Variants in CHRM2 observed in about 807,000 individuals in gnomAD.
The protein encoded by CHRM2 is cholinergic receptor muscarinic 2.
CHRM2 carries 8 observed loss-of-function variants against 25.0 expected under a neutral mutation model. The observed-to-expected ratio is 0.32, with a 90% confidence interval of 0.19 to 0.58. The LOEUF (loss-of-function observed/expected upper bound fraction) is 0.58. CHRM2 is among the 20% of genes least tolerant of loss of function. The pLI is 0.88. For synonymous variants in CHRM2, 202 were observed against 205.7 expected (o/e 0.98, Z 0.15); for missense variants, 440 against 567.1 (o/e 0.78, Z 2.28).
intron 2 of CHRM2, among the ~76,000 whole-genome samples, chr7:136,965,749 T>C (rs1014088396): frequency 6.6e-6 from 1 of 152,056 alleles, no homozygotes; most frequent in Non-Finnish European, 1.5e-5. Context: ...CAAAAGCCAT[T>C]ATTATGATGC....
intron 2 of CHRM2, among the ~76,000 whole-genome samples, chr7:136,984,827 C>G (rs1209794790): frequency 6.6e-6 from 1 of 151,916 alleles, no homozygotes; most frequent in Non-Finnish European, 1.5e-5. Context: ...GTTGGAAAGG[C>G]AGAAATCACC....
intron 2 of CHRM2, among the ~76,000 whole-genome samples, chr7:136,968,609 A>G (rs1801561927): frequency 6.6e-6 from 1 of 151,430 alleles, no homozygotes; most frequent in African/African-American, 2.4e-5. Flanking sequence ...CACAACAGCC[A>G]AGACATGGTA....
chr7:136,983,950 G>A (rs1802664634), intron 2 of CHRM2, among the ~76,000 whole-genome samples: 1 of 152,210 alleles, frequency 6.6e-6, no homozygotes. Context: ...TCTGTCCCTT[G>A]GCAGAGCTTG....
At chr7:136,875,088 C>CAT (rs1308814696) in intron 2 of CHRM2, among the ~76,000 whole-genome samples, 2 of 147,646 alleles carry the variant, frequency 1.4e-5, no homozygotes, top group Non-Finnish European at 3.0e-5. Flanking sequence ...CACATATATA[C>CAT]ATATATACAC....
At chr7:136,925,058 T>C (rs1020775305) in intron 2 of CHRM2, among the ~76,000 whole-genome samples, 11 of 152,208 alleles carry the variant, frequency 7.2e-5, no homozygotes, top group African/African-American at 2.7e-4. Flanking sequence ...ATATAAGCTA[T>C]GATCCTTCCC....
At chr7:136,945,570 C>A (rs144748791) in intron 2 of CHRM2, among the ~76,000 whole-genome samples, 1 of 152,154 alleles carries the variant, frequency 6.6e-6, no homozygotes, top group South Asian at 2.1e-4. Flanking sequence ...GTTCTCTATT[C>A]TGTTCCATTG....
intron 2 of CHRM2, among the ~76,000 whole-genome samples, chr7:136,969,680 G>A (rs879360315): frequency 1.3e-5 from 2 of 151,978 alleles, no homozygotes; most frequent in Non-Finnish European, 2.9e-5. Context: ...CCTTTCCAAC[G>A]TCCTTCTGTT....
At chr7:136,972,564 A>T (rs1012869905) in intron 2 of CHRM2, among the ~76,000 whole-genome samples, 6 of 152,216 alleles carry the variant, frequency 3.9e-5, no homozygotes, top group African/African-American at 9.6e-5. Flanking sequence ...AGAAAAAAAA[A>T]ATATGGTTGA....
chr7:136,890,881 A>C (rs760694342), intron 2 of CHRM2, among the ~76,000 whole-genome samples: 1 of 152,050 alleles, frequency 6.6e-6, no homozygotes, highest in East Asian at 1.9e-4. Flanking sequence ...ATATATGTGT[A>C]TGTGTGTGTA....
At chr7:136,876,986 T>G (rs1366625453) in intron 2 of CHRM2, among the ~76,000 whole-genome samples, 2 of 152,104 alleles carry the variant, frequency 1.3e-5, no homozygotes, top group Admixed American at 1.3e-4. Flanking sequence ...TGAGTCAGGC[T>G]GGGAATTAGG....
chr7:137,017,347 T>C lies in CHRM2; in HGVS notation c.*1081T>C, dbSNP rs907606723. ...GACCCATGTATGAAATGTTAACTTA[T>C]AGAAAATGAACTCCTGACTTTCTCA... On this transcript the variant is annotated 3_prime_UTR_variant, in exon 4 of 4. Coordinates refer to ENST00000680005, the MANE Select transcript of CHRM2 (RefSeq NM_001006630.2). 2.6e-5 allele frequency: 4 copies of C among 151,936 alleles called. No homozygotes were observed. Among genetic ancestry groups the C allele is most frequent in the South Asian group, 2.1e-4 (1 of 4,836 alleles). 9.4% of individuals were successfully genotyped at this position (151,936 alleles called of 1,614,324 possible).
At chr7:136,973,504 C>T (rs324605) in intron 2 of CHRM2, among the ~76,000 whole-genome samples, 9 of 96,622 alleles carry the variant, frequency 9.3e-5, no homozygotes, top group South Asian at 4.1e-4. Flanking sequence ...ATGACGGTGA[C>T]GGTGTTAGGG....
In CHRM2 at chr7:136,904,342, A is replaced by G. The variant is rs80246754; in HGVS notation, c.-125+34924A>G. 8.5e-3 allele frequency among the ~76,000 whole-genome samples: 1,293 copies of G among 151,962 alleles called. 17 individuals are homozygous for G. The highest frequency in any genetic ancestry group is 0.029 in the African/African-American group (1,218 of 41,506). On this transcript the variant is annotated intron_variant, in intron 2 of 3. Transcript: ENST00000680005. The stretch of plus-strand genomic sequence containing the variant: ...TAACATTTTTCTAAGTCACTTGCCT[A>G]TTCACATTTTCTATATCTCTACTCA...
intron 2 of CHRM2, among the ~76,000 whole-genome samples, chr7:136,930,480 A>T (rs1008002230): frequency 6.6e-6 from 1 of 152,204 alleles, no homozygotes; most frequent in East Asian, 1.9e-4. Context: ...TTGTTTGCAC[A>T]ATCATTAAAT....
chr7:136,977,628 A>T (rs913193937), intron 2 of CHRM2, among the ~76,000 whole-genome samples: 3 of 152,222 alleles, frequency 2.0e-5, no homozygotes, highest in African/African-American at 7.2e-5. Flanking sequence ...GAATGGTCTT[A>T]TCCAACATAA....
At chr7:137,005,399 A>G (rs973701301) in intron 3 of CHRM2, among the ~76,000 whole-genome samples, 3 of 152,118 alleles carry the variant, frequency 2.0e-5, no homozygotes, top group African/African-American at 7.2e-5. Flanking sequence ...ATTATAAGAT[A>G]TGCTATCTGA....
rs1189897916 is a variant in CHRM2, at chr7:136,882,736, T to A, written c.-125+13318T>A. 2.0e-5 allele frequency among the ~76,000 whole-genome samples: 3 copies of A among 152,114 alleles called. No homozygotes were observed. In the East Asian group the frequency reaches 5.8e-4, roughly 29 times the overall value. The stretch of plus-strand genomic sequence containing the variant: ...TATTTTATCTAAGCCTGAGCAAAAT[T>A]TCCTCTAGGCCATGCTTATAGGTAT... On this transcript the variant is annotated intron_variant, in intron 2 of 3. Coordinates refer to ENST00000680005, the MANE Select transcript of CHRM2 (RefSeq NM_001006630.2).
At chr7:136,878,379 G>A (rs1796130744) in intron 2 of CHRM2, among the ~76,000 whole-genome samples, 1 of 151,932 alleles carries the variant, frequency 6.6e-6, no homozygotes, top group South Asian at 2.1e-4. Flanking sequence ...TATGCTGGAT[G>A]GAGGTACTGA....
At chr7:136,941,181 T>C (rs1375824315) in intron 2 of CHRM2, among the ~76,000 whole-genome samples, 1 of 152,206 alleles carries the variant, frequency 6.6e-6, no homozygotes, top group Non-Finnish European at 1.5e-5. Flanking sequence ...CTACCGCTGT[T>C]ATATCAGCCT....
Sources: gnomAD v4.1 joint callset for allele counts (sites outside exome capture counted in the v4.1 genomes callset) on GRCh38, gnomAD v4.1.1 for gene constraint, MANE v1.5 for transcripts, NCBI Gene and HGNC (gene_info 2026-07-23, HGNC 2026-07-21) for gene names.